HIRA: variants seen among roughly 807,000 people sequenced by gnomAD.
HIRA encodes protein HIRA.
In HIRA, 13 loss-of-function variants were observed where a neutral mutation model predicts 126.6. The observed-to-expected ratio is 0.10, with a 90% CI of 0.07 to 0.16. HIRA has a LOEUF of 0.16. Ranked by LOEUF, HIRA falls within the 10% of genes least tolerant of loss-of-function variation. The pLI is 1.00. For missense variants in HIRA, 834 were observed against 1,314.4 expected (o/e 0.63, Z 5.65); for synonymous variants, 511 against 520.0 (o/e 0.98, Z 0.24).
intron 15 of HIRA, among the ~76,000 whole-genome samples, chr22:19,374,636 T>A (rs1320732836): frequency 6.6e-6 from 1 of 152,168 alleles, no homozygotes; most frequent in Admixed American, 6.5e-5. Context: ...GGGCTTTTCA[T>A]AAGCAAAGCC....
intron 17 of HIRA, among the ~76,000 whole-genome samples, chr22:19,359,906 G>C (rs1476751665): frequency 6.6e-6 from 1 of 152,186 alleles, no homozygotes; most frequent in Non-Finnish European, 1.5e-5. Flanking sequence ...GGCAGTGTTT[G>C]GCAAGATTAG....
intron 23 of HIRA, among the ~76,000 whole-genome samples, chr22:19,352,576 C>T (rs745615037): frequency 1.3e-5 from 2 of 152,168 alleles, no homozygotes; most frequent in African/African-American, 2.4e-5. Flanking sequence ...CACATACACT[C>T]GTATTTACAC....
intron 1 of HIRA, among the ~76,000 whole-genome samples, chr22:19,416,074 A>C (rs1311461792): frequency 6.6e-6 from 1 of 152,162 alleles, no homozygotes; most frequent in Non-Finnish European, 1.5e-5. Flanking sequence ...CCCAGAAATA[A>C]ACTGTTGTGT....
At chr22:19,422,231 A>G (rs935443115) in intron 1 of HIRA, among the ~76,000 whole-genome samples, 1 of 145,788 alleles carries the variant, frequency 6.9e-6, no homozygotes, top group African/African-American at 2.5e-5. Context: ...TATTACATAT[A>G]CATATAAACA....
At chr22:19,370,638 C>T (rs1484718555) in intron 15 of HIRA, among the ~76,000 whole-genome samples, 1 of 152,174 alleles carries the variant, frequency 6.6e-6, no homozygotes, top group African/African-American at 2.4e-5. Flanking sequence ...TCTGCATTTT[C>T]TGTAAGGCCT....
intron 15 of HIRA, among the ~76,000 whole-genome samples, chr22:19,368,368 C>T (rs1186526153): frequency 5.9e-5 from 9 of 152,202 alleles, no homozygotes; most frequent in Non-Finnish European, 1.2e-4. Context: ...AAGCATCCAT[C>T]TGTGGGTGTA....
chr22:19,390,601 C>CAAAAA (rs575050947), intron 9 of HIRA, among the ~76,000 whole-genome samples: 665 of 38,312 alleles, frequency 0.017, 86 homozygotes, highest in Non-Finnish European at 0.02. Flanking sequence ...GACTCTGTCT[C>CAAAAA]AAAAAAAAAA....
intron 14 of HIRA, among the ~76,000 whole-genome samples, chr22:19,377,596 C>T (rs550720803): frequency 6.6e-5 from 10 of 152,230 alleles, no homozygotes; most frequent in South Asian, 6.2e-4. Context: ...CCCTGCAGCA[C>T]GTAGCATTTC....
At chr22:19,359,055 G>A (rs573634287) in intron 18 of HIRA, among the ~76,000 whole-genome samples, 1 of 152,190 alleles carries the variant, frequency 6.6e-6, no homozygotes, top group Non-Finnish European at 1.5e-5. Flanking sequence ...GATCTGGCTG[G>A]ACAAGGGAAT....
At chr22:19,374,298 T>C (rs960206886) in intron 15 of HIRA, among the ~76,000 whole-genome samples, 22 of 151,874 alleles carry the variant, frequency 1.4e-4, no homozygotes, top group African/African-American at 2.7e-4. Flanking sequence ...GCTAGGACAA[T>C]AGACATAAGC....
intron 8 of HIRA, among the ~76,000 whole-genome samples, chr22:19,393,814 T>G (rs1989087090): frequency 6.6e-6 from 1 of 152,240 alleles, no homozygotes; most frequent in Admixed American, 6.5e-5. Flanking sequence ...TATTCGCAAC[T>G]ACTTAACAGC....
At chr22:19,427,970 G>T (rs111627574) in intron 1 of HIRA, among the ~76,000 whole-genome samples, 1 of 152,258 alleles carries the variant, frequency 6.6e-6, no homozygotes, top group Middle Eastern at 3.4e-3. Flanking sequence ...CCAAGAACAC[G>T]AAGTAAAATG....
At chr22:19,334,034 G>C (rs1601793175) in intron 24 of HIRA, among the ~76,000 whole-genome samples, 2 of 151,750 alleles carry the variant, frequency 1.3e-5, no homozygotes, top group East Asian at 3.9e-4. Context: ...GAGTGCAGTG[G>C]TGTGATCTCG....
intron 1 of HIRA, among the ~76,000 whole-genome samples, chr22:19,426,826 A>T (rs1745315812): frequency 1.3e-5 from 2 of 152,200 alleles, no homozygotes; most frequent in South Asian, 4.1e-4. Flanking sequence ...AAGTCAGGAG[A>T]GAAATTGCTG....
intron 13 of HIRA, 118 bp downstream of exon 13, chr22:19,383,502 G>A (rs1016617527): frequency 6.2e-6 from 5 of 803,798 alleles, no homozygotes; most frequent in Non-Finnish European, 1.0e-5. Context: ...TTGCTTCCAT[G>A]TTCTACCAGT....
intron 9 of HIRA, among the ~76,000 whole-genome samples, chr22:19,388,757 T>A (rs1002135240): frequency 2.0e-5 from 3 of 152,120 alleles, no homozygotes; most frequent in Non-Finnish European, 2.9e-5. Context: ...CTACCTAGAG[T>A]GGACCCTGCC....
intron 5 of HIRA, among the ~76,000 whole-genome samples, chr22:19,404,418 A>G (rs2089292829): frequency 6.6e-6 from 1 of 152,238 alleles, no homozygotes; most frequent in Non-Finnish European, 1.5e-5. Flanking sequence ...ACCAAGTTCC[A>G]GAAAAGTCCA....
Position 19,431,482 on chromosome 22 carries a change from GGCCGCC to G in HIRA, c.-12_-7del. The G allele has an allele frequency of 6.3e-7, 1 of 1,597,904 alleles. No individual in the cohort carries two copies. The highest frequency in any genetic ancestry group is 1.4e-5 in the African/African-American group (1 of 73,982). ...GTCGGCTTCAGGAGCTTCATTGTTCGGCCGCCGCCGCCGCCGGGCTGAGGCGAGCGC... is the reference window on the plus strand; with the variant it reads ...GTCGGCTTCAGGAGCTTCATTGTTCGGCCGCCGCCGGGCTGAGGCGAGCGC... On this transcript the variant is annotated 5_prime_UTR_variant, in exon 1 of 25. Transcript: ENST00000263208.
In HIRA at chr22:19,385,497, A is replaced by G. The variant is rs757301837; in HGVS notation, c.1329+24T>C. 12 of 1,605,242 alleles carry G rather than the reference A, an allele frequency of 7.5e-6. No homozygotes were observed. In the Admixed American group the frequency reaches 1.7e-4, roughly 22 times the overall value. ...TCCCTGGGCATATGTCCATGTCTTT[A>G]GCGCCACCAGGCAGGGCTCTCACCT... is the stretch of plus-strand genomic sequence containing the variant. On this transcript the variant is annotated intron_variant, in intron 12 of 24. Transcript: ENST00000263208.
Sources: allele counts gnomAD v4.1 joint callset (sites outside exome capture counted in the v4.1 genomes callset), GRCh38; gene constraint gnomAD v4.1.1; transcripts MANE v1.5; gene names NCBI Gene and HGNC (gene_info 2026-07-23, HGNC 2026-07-21).